GCC2: variants seen among roughly 807,000 people sequenced by gnomAD.
The protein encoded by GCC2 is GRIP and coiled-coil domain containing 2.
A neutral mutation model predicts 210.6 loss-of-function variants in GCC2; 120 were observed. The ratio of observed to expected loss-of-function variants is 0.57; its 90% CI spans 0.49 to 0.66. The LOEUF (loss-of-function observed/expected upper bound fraction) is 0.66, where lower values mean the gene tolerates loss of function less well. GCC2 is among the 30% of genes least tolerant of loss of function. GCC2 has a pLI of 0.00. For synonymous variants in GCC2, 703 were observed against 652.7 expected (o/e 1.08, Z -1.17); for missense variants, 1,868 against 1,871.9 (o/e 1.00, Z 0.04).
At chr2:108,490,601 G>T (rs1009000404) in intron 18 of GCC2, among the ~76,000 whole-genome samples, 5 of 152,102 alleles carry the variant, frequency 3.3e-5, no homozygotes, top group Non-Finnish European at 5.9e-5. Flanking sequence ...TTTTATCACA[G>T]ATTTGCTTAT....
At chr2:108,455,027 A>G (rs1680180648) in intron 4 of GCC2, among the ~76,000 whole-genome samples, 2 of 152,126 alleles carry the variant, frequency 1.3e-5, no homozygotes, top group Admixed American at 6.6e-5. Context: ...ATTAACTCTT[A>G]TAATACTTTT....
At chr2:108,472,738 T>C (rs538491973) in intron 6 of GCC2, 89 bp from the exon 7 acceptor site, 23 of 765,890 alleles carry the variant, frequency 3.0e-5, no homozygotes, top group Non-Finnish European at 1.8e-5. Context: ...TTTCTTATGC[T>C]TAACATGATG....
chr2:108,491,861 T>C (rs933934321), intron 18 of GCC2, among the ~76,000 whole-genome samples: 7 of 152,050 alleles, frequency 4.6e-5, no homozygotes, highest in African/African-American at 1.4e-4. Context: ...TCCCAAATTG[T>C]AGGCCCACTG....
Position 108,508,677 on chromosome 2 carries a change from G to A in GCC2, c.*1047G>A, listed in dbSNP as rs1683329863. The stretch of plus-strand genomic sequence containing the variant: ...TGTTCCATAAGCTTTCCATCAGAAG[G>A]GATTTTAGACACCTTAGAGGTCCGT... On this transcript the variant is annotated 3_prime_UTR_variant, in exon 23 of 23. Coordinates refer to ENST00000309863, the MANE Select transcript of GCC2 (RefSeq NM_181453.4). 6.6e-6 allele frequency: 1 copy of A among 152,260 alleles called. No individual in the cohort carries two copies. Among genetic ancestry groups the A allele is most frequent in the African/African-American group, 2.4e-5 (1 of 41,324 alleles). The allele number at this position is 152,260 out of a possible 1,614,324, so 9.4% of individuals were successfully genotyped here.
At chr2:108,460,986 T>G (rs1280496130) in intron 4 of GCC2, among the ~76,000 whole-genome samples, 2 of 152,220 alleles carry the variant, frequency 1.3e-5, no homozygotes, top group African/African-American at 4.8e-5. Flanking sequence ...ATTGTAAGTT[T>G]CCTGAGGCCT....
rs768163382 is a variant in GCC2 at position 108,469,831 on chromosome 2, G to A, written c.502G>A (p.Glu168Lys). Residue 168 changes from glutamate to lysine, a missense_variant, in exon 6 of 23, where the codon GAA (glutamate) becomes AAA (lysine). By Grantham distance (56) the Glu-to-Lys change is moderately conservative. Transcript: ENST00000309863. ...EAMNTQLELS[E>K]QLKFQNNSED... is the part of the protein sequence containing the mutation. ...AATGAATACGCAATTAGAACTTTCAGAACAACTTAAATTTCAGAACAACTC... is the reference window on the plus strand; with the variant it reads ...AATGAATACGCAATTAGAACTTTCAAAACAACTTAAATTTCAGAACAACTC... 1.9e-6 allele frequency: 3 copies of A among 1,613,184 alleles called. No homozygotes were observed. Among genetic ancestry groups the A allele is most frequent in the Non-Finnish European group, 1.7e-6 (2 of 1,179,634 alleles).
chr2:108,508,141 G>C lies in GCC2; in HGVS notation c.*511G>C, dbSNP rs908463105. 1 of 148,930 alleles carries C rather than the reference G, an allele frequency of 6.7e-6. No homozygotes were observed. The highest frequency in any genetic ancestry group is 2.1e-4 in the East Asian group (1 of 4,876). 9.2% of individuals were successfully genotyped at this position (148,930 alleles called of 1,614,324 possible). A position where few individuals can be genotyped will look rare whatever the true frequency, so the allele number is the denominator to read the frequency against. On this transcript the variant is annotated 3_prime_UTR_variant, in exon 23 of 23. Coordinates refer to ENST00000309863, the MANE Select transcript of GCC2 (RefSeq NM_181453.4). ...AGCTCGGGGAACAGAGCGAGACCTTGTCTCTAAAAATAATAGTAATAAAAT... is the reference window on the plus strand; with the variant it reads ...AGCTCGGGGAACAGAGCGAGACCTTCTCTCTAAAAATAATAGTAATAAAAT...
Position 108,470,139 on chromosome 2 carries a change from A to G in GCC2, c.810A>G (p.Ile270Met). 9.3e-6 allele frequency: 15 copies of G among 1,613,772 alleles called. No individual in the cohort carries two copies. The highest frequency in any genetic ancestry group is 1.2e-5 in the Non-Finnish European group (14 of 1,179,838). The change falls in exon 6 of 23, where the codon ATA becomes ATG. Residue 270 changes from isoleucine (I) to methionine (M), a missense_variant. Physicochemically the swap from Ile to Met is conservative, Grantham distance 10 (BLOSUM62 1). Around this residue, in one of 3 missense-constraint regions of GCC2, gnomAD observed 1,847 missense variants for 1,765.2 expected, o/e 1.05. Transcript: ENST00000309863. ...CAGCTAAGGAACATGAAGCAGAGAT[A>G]AATAAGTTGAACGAGCTAAAAGAGA... The part of the protein sequence containing the change: ...EASAKEHEAE[I>M]NKLNELKENL...
At chr2:108,480,721 A>G (rs1237055043) in intron 9 of GCC2, among the ~76,000 whole-genome samples, 1 of 151,350 alleles carries the variant, frequency 6.6e-6, no homozygotes, top group Non-Finnish European at 1.5e-5. Flanking sequence ...GGACACATAC[A>G]GAGGAACAAC....
At chr2:108,459,929 T>C (rs895632511) in intron 4 of GCC2, among the ~76,000 whole-genome samples, 3 of 151,920 alleles carry the variant, frequency 2.0e-5, no homozygotes. Context: ...CTTGGCTCAC[T>C]GCAGTCTCCG....
intron 4 of GCC2, among the ~76,000 whole-genome samples, chr2:108,454,603 C>G (rs762750698): frequency 3.9e-5 from 6 of 152,158 alleles, no homozygotes; most frequent in East Asian, 1.9e-4. Flanking sequence ...GGAAGAAGGT[C>G]GATAACACCC....
chr2:108,474,976 G>C (rs1045465787), intron 7 of GCC2: 5 of 152,190 alleles, frequency 3.3e-5, no homozygotes, highest in African/African-American at 1.2e-4. Flanking sequence ...AAATTAATAG[G>C]CCAGGACAGA....
intron 9 of GCC2, 137 bp downstream of exon 9, chr2:108,475,987 T>C: frequency 1.8e-6 from 1 of 550,736 alleles, no homozygotes; most frequent in African/African-American, 2.0e-5. Context: ...TATTCTGTTT[T>C]GGGGTGCAAT....
chr2:108,471,885 A>T lies in GCC2; in HGVS notation c.2556A>T (p.Ser852=). 6.2e-7 allele frequency: 1 copy of T among 1,608,374 alleles called. No individual in the cohort carries two copies. Among genetic ancestry groups the T allele is most frequent in the South Asian group, 1.1e-5 (1 of 89,670 alleles). Residue 852 remains serine, a synonymous_variant, in exon 6 of 23, where the codon TCA becomes TCT. Transcript: ENST00000309863. ...GGAAAGAGTTAGAAGAAATACAGTC[A>T]GAAAAAGAGGCCCTGCAGTCTGATC... ...LLRKELEEIQ[S]EKEALQSDLL...
chr2:108,487,217 A>G (rs1017106166), intron 16 of GCC2, among the ~76,000 whole-genome samples: 5 of 152,252 alleles, frequency 3.3e-5, no homozygotes, highest in African/African-American at 1.2e-4. Flanking sequence ...AAGAGGGGAT[A>G]TCATAAGAGA....
At chr2:108,477,667 GT>G (rs1681613065) in intron 9 of GCC2, among the ~76,000 whole-genome samples, 1 of 152,162 alleles carries the variant, frequency 6.6e-6, no homozygotes. Flanking sequence ...AAAAAATTTT[GT>G]GAAAAATATT....
intron 11 of GCC2, 72 bp from the exon 12 acceptor site, chr2:108,482,990 T>C (rs1681947336): frequency 4.9e-6 from 4 of 816,282 alleles, no homozygotes; most frequent in Admixed American, 4.3e-5. Context: ...GTCAGATTTA[T>C]TTTAAAGCCC....
chr2:108,487,902 T>C, intron 17 of GCC2, 82 bp downstream of exon 17: 1 of 377,244 alleles, frequency 2.7e-6, no homozygotes, highest in South Asian at 5.8e-5. Context: ...CTATTATGAT[T>C]TTTTTTTTTT....
chr2:108,498,183 C>CTTTTTTTTTTTTTTTTTTTTTTTT (rs3084885), intron 21 of GCC2, among the ~76,000 whole-genome samples: 2 of 57,478 alleles, frequency 3.5e-5, no homozygotes, highest in African/African-American at 7.3e-5. Context: ...GTTATATTTT[C>CTTTTTTTTTTTTTTTTTTTTTTTT]TTTTTTTTTT....
Sources: allele counts gnomAD v4.1 joint callset (sites outside exome capture counted in the v4.1 genomes callset), GRCh38; gene constraint gnomAD v4.1.1; regional missense constraint gnomAD v4.1.1; transcripts MANE v1.5; gene names NCBI Gene and HGNC (gene_info 2026-07-23, HGNC 2026-07-21).